ANXA9: variants seen among roughly 807,000 people sequenced by gnomAD.
ANXA9 encodes the protein annexin A9.
A neutral mutation model predicts 51.8 loss-of-function variants in ANXA9; 47 were observed. The ratio of observed to expected loss-of-function variants is 0.91; its 90% CI spans 0.72 to 1.16. The LOEUF (loss-of-function observed/expected upper bound fraction) is 1.16. Ranked by LOEUF, ANXA9 falls within the 50% of genes most tolerant of loss-of-function variation. The pLI is 0.00. For synonymous variants in ANXA9, 154 were observed against 168.7 expected, an observed-to-expected ratio of 0.91 and a Z score of 0.68; for missense variants, 361 against 424.7, an observed-to-expected ratio of 0.85 and a Z score of 1.32.
chr1:150,977,634 G>C (rs1269793321), upstream of ANXA9, among the ~76,000 whole-genome samples: 2 of 152,244 alleles, frequency 1.3e-5, no homozygotes, highest in Non-Finnish European at 2.9e-5. Flanking sequence ...CATACAGGGA[G>C]CCCAAATGTG....
At chr1:150,987,334 T>A (rs1671584599) in intron 9 of ANXA9, among the ~76,000 whole-genome samples, 1 of 150,780 alleles carries the variant, frequency 6.6e-6, no homozygotes, top group Non-Finnish European at 1.5e-5. Context: ...CCAGCCTGGG[T>A]GACAGAGAGA....
intron 12 of ANXA9, among the ~76,000 whole-genome samples, chr1:150,992,628 G>C (rs1291101793): frequency 6.6e-6 from 1 of 151,996 alleles, no homozygotes; most frequent in Non-Finnish European, 1.5e-5. Context: ...TGGCCAACAT[G>C]GTAAAACCCC....
intron 4 of ANXA9, 69 bp downstream of exon 4, chr1:150,983,503 G>A (rs970662181): frequency 5.1e-5 from 73 of 1,418,150 alleles, no homozygotes; most frequent in Non-Finnish European, 6.9e-5. Context: ...GAGGAGCCAG[G>A]AAGGAGGAAC....
intron 12 of ANXA9, among the ~76,000 whole-genome samples, chr1:150,991,226 C>A (rs941512343): frequency 5.3e-5 from 8 of 150,994 alleles, no homozygotes; most frequent in African/African-American, 2.4e-5. Context: ...CTGTATTATT[C>A]TTTTTATTTA....
At chr1:150,986,242 G>T in intron 7 of ANXA9, 94 bp from the exon 8 acceptor site, 1 of 1,092,292 alleles carries the variant, frequency 9.2e-7, no homozygotes, top group Non-Finnish European at 1.4e-6. Flanking sequence ...AGCAGGGCTG[G>T]CAGGGTATAG....
rs750075849 is a variant in ANXA9 at position 150,986,349 on chromosome 1, G to A, written c.486G>A (p.Glu162=). ...LAVYKHNFQV[E]AVDDITSETS... The stretch of plus-strand genomic sequence containing the variant: ...ACCCCACCCCAGATTTCCAGGTGGA[G>A]GCTGTGGATGACATCACATCTGAGA... Residue 162 remains glutamate, a synonymous_variant, in exon 8 of 14, where the codon GAG becomes GAA. Coordinates refer to ENST00000368947, the MANE Select transcript of ANXA9 (RefSeq NM_003568.3). The A allele has an allele frequency of 6.2e-7, 1 of 1,614,094 alleles. No homozygotes were observed. Among genetic ancestry groups the A allele is most frequent in the South Asian group, 1.1e-5 (1 of 91,086 alleles).
chr1:150,984,434 G>C, intron 6 of ANXA9, 40 bp downstream of exon 6: 1 of 1,600,780 alleles, frequency 6.2e-7, no homozygotes, highest in African/African-American at 1.3e-5. Context: ...CTGGGGAAGG[G>C]AGAAGGCTGT....
intron 12 of ANXA9, among the ~76,000 whole-genome samples, chr1:150,989,425 T>A (rs1671646545): frequency 6.7e-6 from 1 of 150,250 alleles, no homozygotes; most frequent in African/African-American, 2.4e-5. Flanking sequence ...GCGCAGTGGC[T>A]CACGCCTATA....
At position 150,984,408 on chromosome 1, in the gene ANXA9, A is replaced by C. The variant is rs373832843; in HGVS notation, c.381+14A>C. ...ACAGCTCTGAAGGTAGCAGGAGGGG[A>C]GACTTGCTGGGGTGTCTGGGGAAGG... On this transcript the variant is annotated intron_variant, in intron 6 of 13. Transcript: ENST00000368947. 4.3e-6 allele frequency: 7 copies of C among 1,611,684 alleles called. 1 individual carries two copies. The highest frequency in any genetic ancestry group is 5.9e-6 in the Non-Finnish European group (7 of 1,178,034).
chr1:150,985,844 A>G (rs1671542947), intron 7 of ANXA9, among the ~76,000 whole-genome samples: 1 of 152,098 alleles, frequency 6.6e-6, no homozygotes, highest in Non-Finnish European at 1.5e-5. Flanking sequence ...TGGGATTACA[A>G]GCATGAGCCA....
intron 12 of ANXA9, among the ~76,000 whole-genome samples, chr1:150,989,327 A>G (rs1671643188): frequency 6.6e-6 from 1 of 151,808 alleles, no homozygotes; most frequent in South Asian, 2.1e-4. Context: ...TGCTTCCACC[A>G]ATAGAATCCA....
chr1:150,979,449 G>A (rs759291625), upstream of ANXA9, among the ~76,000 whole-genome samples: 1 of 152,166 alleles, frequency 6.6e-6, no homozygotes, highest in Admixed American at 6.5e-5. Context: ...CGGTCACCCA[G>A]TCTCCTGCAT....
upstream of ANXA9, among the ~76,000 whole-genome samples, chr1:150,980,743 C>A (rs1457113564): frequency 6.6e-6 from 1 of 151,734 alleles, no homozygotes; most frequent in Non-Finnish European, 1.5e-5. Context: ...CCATGCCCGG[C>A]TAATTTTTTG....
rs1042399062 is a variant in ANXA9 at position 150,982,510 on chromosome 1, C to G, written c.-90C>G. ...AGGCATCCACGTACTTGCAAGAACT[C>G]TTGCTCACATCAGCTAAGAGATTGC... On this transcript the variant is annotated 5_prime_UTR_variant, in exon 2 of 14. Coordinates refer to ENST00000368947, the MANE Select transcript of ANXA9 (RefSeq NM_003568.3). 1 of 152,572 alleles carries G rather than the reference C, an allele frequency of 6.6e-6. No homozygotes were observed. Among genetic ancestry groups the G allele is most frequent in the African/African-American group, 2.4e-5 (1 of 41,480 alleles). 9.5% of individuals were successfully genotyped at this position (152,572 alleles called of 1,614,324 possible).
intron 7 of ANXA9, 125 bp from the exon 8 acceptor site, chr1:150,986,211 A>G: frequency 1.3e-6 from 1 of 742,026 alleles, no homozygotes; most frequent in South Asian, 1.7e-5. Flanking sequence ...AGCAGCCATC[A>G]AGCTACTCCA....
In ANXA9 at chr1:150,993,907, T is replaced by A. The variant is rs113570626; in HGVS notation, c.853-670T>A. On this transcript the variant is annotated intron_variant, in intron 12 of 13. Coordinates refer to ENST00000368947, the MANE Select transcript of ANXA9 (RefSeq NM_003568.3). Reference sequence around the variant, plus strand: ...CCTCATCCTCCCAAAGTGCTGGGATTACAGGCATGAGCCACTGTGCCTGGC... The same window carrying A: ...CCTCATCCTCCCAAAGTGCTGGGATAACAGGCATGAGCCACTGTGCCTGGC... 8.6e-3 allele frequency among the ~76,000 whole-genome samples: 1,308 copies of A among 152,252 alleles called. 6 individuals carry two copies. The highest frequency in any genetic ancestry group is 0.012 in the Non-Finnish European group (837 of 68,010).
intron 12 of ANXA9, among the ~76,000 whole-genome samples, chr1:150,992,462 T>C (rs1227761332): frequency 1.3e-5 from 2 of 152,036 alleles, no homozygotes; most frequent in Admixed American, 6.6e-5. Context: ...GATAGGAGAA[T>C]TGCTTGAACC....
rs1277935536 is a variant in ANXA9, at chr1:150,984,304, A to C, written c.291A>C (p.Ala97=). The part of the protein sequence containing the change: ...TQQDLMKSLQ[A]ALSGNLERIV... ...AGGACCTGATGAAGTCTCTACAGGC[A>C]GCACTTTCCGGCAACCTGGAGAGGA... The change falls in exon 6 of 14, where the codon GCA becomes GCC. Residue 97 remains alanine, a synonymous_variant. Coordinates refer to ENST00000368947, the MANE Select transcript of ANXA9 (RefSeq NM_003568.3). 1 of 1,614,012 alleles carries C rather than the reference A, an allele frequency of 6.2e-7. No individual in the cohort carries two copies. Among genetic ancestry groups the C allele is most frequent in the African/African-American group, 1.3e-5 (1 of 74,894 alleles).
At chr1:150,979,290 G>C (rs12069792), upstream of ANXA9, among the ~76,000 whole-genome samples, 213 of 152,004 alleles carry the variant, frequency 1.4e-3, 1 homozygote, top group African/African-American at 4.9e-3. Context: ...GAGATTCGGC[G>C]TGAGGAAACA....
Sources: allele counts gnomAD v4.1 joint callset (sites outside exome capture counted in the v4.1 genomes callset), GRCh38; gene constraint gnomAD v4.1.1; transcripts MANE v1.5; gene names NCBI Gene and HGNC (gene_info 2026-07-23, HGNC 2026-07-21).